KRT40: variants seen among roughly 807,000 people sequenced by gnomAD.
KRT40 encodes the protein keratin 40.
In KRT40, 47 loss-of-function variants were observed where a neutral mutation model predicts 43.5. The observed-to-expected ratio is 1.08, with a 90% CI of 0.86 to 1.38. The LOEUF (loss-of-function observed/expected upper bound fraction) is 1.38. Ranked by LOEUF, KRT40 falls within the 40% of genes most tolerant of loss-of-function variation. The pLI, the probability that KRT40 is intolerant of heterozygous loss-of-function variation, is 0.00. For synonymous variants in KRT40, 212 were observed against 214.0 expected, an observed-to-expected ratio of 0.99 and a Z score of 0.08; for missense variants, 573 against 523.6, an observed-to-expected ratio of 1.09 and a Z score of -0.92.
At chr17:40,978,620 A>G (rs1393616601) in intron 6 of KRT40, among the ~76,000 whole-genome samples, 184 bp downstream of exon 6, 1 of 148,216 alleles carries the variant, frequency 6.7e-6, no homozygotes, top group Non-Finnish European at 1.5e-5. Flanking sequence ...ATCTGCCTTT[A>G]GAATATTTTA....
rs1347880978 is a variant in KRT40, at chr17:40,983,940, C to G, written c.334G>C (p.Glu112Gln). 2 of 1,614,114 alleles carry G rather than the reference C, an allele frequency of 1.2e-6. No individual in the cohort carries two copies. Among genetic ancestry groups the G allele is most frequent in the Non-Finnish European group, 1.7e-6 (2 of 1,180,010 alleles). The change falls in exon 1 of 7, where the codon GAG (glutamate) becomes CAG (glutamine). Residue 112 changes from glutamate (E) to glutamine (Q), a missense_variant. Physicochemically the swap from Glu to Gln is conservative, Grantham distance 29 (BLOSUM62 2). Coordinates refer to ENST00000377755, the MANE Select transcript of KRT40 (RefSeq NM_001389244.1). ...CTGGATTCCAGCTCTGCGTTGGTCT[C>G]CTCCAGGCTGCGCACCTTCTCCAGA... ...SYLEKVRSLE[E>Q]TNAELESRIQ...
At chr17:40,981,348 G>GAA (rs1307527836) in intron 3 of KRT40, 197 bp from the exon 4 acceptor site, 1 of 1,016,350 alleles carries the variant, frequency 9.8e-7, no homozygotes, top group Non-Finnish European at 1.5e-6. Context: ...ATAATAATTG[G>GAA]ACATTTTTCC....
At position 40,983,963 on chromosome 17, in the gene KRT40, A is replaced by T; in HGVS notation, c.311T>A (p.Leu104Gln). Residue 104 changes from leucine (L) to glutamine (Q), a missense_variant, in exon 1 of 7, where the codon CTG becomes CAG. Leu to Gln is a moderately radical substitution (Grantham distance 113). Transcript: ENST00000377755. ...QFLNDRLASY[L>Q]EKVRSLEETN... is the part of the protein sequence containing the mutation. ...CTCCTCCAGGCTGCGCACCTTCTCC[A>T]GATAGCTGGCGAGTCTGTCATTCAG... 6.2e-7 allele frequency: 1 copy of T among 1,614,068 alleles called. No homozygotes were observed. The highest frequency in any genetic ancestry group is 8.5e-7 in the Non-Finnish European group (1 of 1,180,014).
At position 40,984,189 on chromosome 17, in the gene KRT40, C is replaced by T. The variant is rs746643512; in HGVS notation, c.85G>A (p.Val29Met). The part of the protein sequence containing the change: ...SGCAPASSCS[V>M]ETACLPGTCA... ...GTACCGGGGAGACAAGCTGTTTCCACGGAGCAGCTTGAGGCAGGTGCACAA... is the reference window on the plus strand; with the variant it reads ...GTACCGGGGAGACAAGCTGTTTCCATGGAGCAGCTTGAGGCAGGTGCACAA... The change falls in exon 1 of 7, where the codon GTG (valine) becomes ATG (methionine). Residue 29 changes from valine (V) to methionine (M), a missense_variant. By Grantham distance (21) the Val-to-Met change is conservative. Transcript: ENST00000377755. The T allele has an allele frequency of 6.8e-6, 11 of 1,613,898 alleles. No individual in the cohort carries two copies. Among genetic ancestry groups the T allele is most frequent in the East Asian group, 2.2e-5 (1 of 44,860 alleles).
chr17:40,982,364 C>T lies in KRT40; in HGVS notation c.630G>A (p.Glu210=), dbSNP rs1340573704. The T allele has an allele frequency of 3.7e-6, 6 of 1,609,864 alleles. No homozygotes were observed. The highest frequency in any genetic ancestry group is 1.3e-5 in the African/African-American group (1 of 74,676). ...CTTCCTTCAGAGACTCCACATGGGC[C>T]TCCAGATCAGATTTGCACAGGGTCA... is the stretch of plus-strand genomic sequence containing the variant. The part of the protein sequence containing the change: ...EELTLCKSDL[E]AHVESLKEDL... The change falls in exon 3 of 7, where the codon GAG becomes GAA. Residue 210 remains glutamate, a synonymous_variant. Transcript: ENST00000377755.
intron 3 of KRT40, among the ~76,000 whole-genome samples, 167 bp downstream of exon 3, chr17:40,982,140 G>A (rs1912196525): frequency 6.6e-6 from 1 of 152,094 alleles, no homozygotes; most frequent in Non-Finnish European, 1.5e-5. Context: ...GCCTCCCAAA[G>A]TGCTTGGATT....
At position 40,979,025 on chromosome 17, in the gene KRT40, C is replaced by A. The variant is rs1300186061; in HGVS notation, c.976-1G>T. On this transcript the variant is annotated splice_acceptor_variant, in intron 5 of 6. Transcript: ENST00000377755. LOFTEE classifies it high-confidence loss of function. ...CCACGGTGCATTCCAGAGATTCTGT[C>A]TGCGGGAGGAAACATTGTCCAAAGG... The A allele has an allele frequency of 6.2e-7, 1 of 1,611,682 alleles. No homozygotes were observed. The highest frequency in any genetic ancestry group is 1.7e-5 in the Admixed American group (1 of 59,956).
At position 40,981,061 on chromosome 17, in the gene KRT40, C is replaced by T. The variant is rs774008650; in HGVS notation, c.778G>A (p.Glu260Lys). ...ACCGTTTCACACTGACAGCGCATCTCATCCAGGACCCTGTTGAGGTCAAGG... is the reference window on the plus strand; with the variant it reads ...ACCGTTTCACACTGACAGCGCATCTTATCCAGGACCCTGTTGAGGTCAAGG... The part of the protein sequence containing the change: ...PTLDLNRVLD[E>K]MRCQCETVLA... Residue 260 changes from glutamate (E) to lysine (K), a missense_variant, in exon 4 of 7, where the codon GAG becomes AAG. Coordinates refer to ENST00000377755, the MANE Select transcript of KRT40 (RefSeq NM_001389244.1). The T allele has an allele frequency of 6.8e-6, 11 of 1,614,136 alleles. No homozygotes were observed. The South Asian group carries it at 1.2e-4, about 18-fold the overall frequency.
At chr17:40,982,995 T>A in intron 2 of KRT40, 51 bp downstream of exon 2, 1 of 781,938 alleles carries the variant, frequency 1.3e-6, no homozygotes, top group Non-Finnish European at 2.2e-6. Flanking sequence ...GTGACAAGAG[T>A]GAAACTCCAT....
intron 3 of KRT40, chr17:40,981,459 T>C: frequency 3.7e-6 from 2 of 540,844 alleles, no homozygotes; most frequent in Non-Finnish European, 6.7e-6. Context: ...TTAGCTATGA[T>C]TGTCATCAAC....
At chr17:40,983,719 G>A in intron 1 of KRT40, 108 bp downstream of exon 1, 1 of 1,120,494 alleles carries the variant, frequency 8.9e-7, no homozygotes, top group Non-Finnish European at 1.3e-6. Flanking sequence ...CTAACTCTTA[G>A]AATTTTCCTT....
chr17:40,981,283 T>C, intron 3 of KRT40, 132 bp from the exon 4 acceptor site: 2 of 1,537,768 alleles, frequency 1.3e-6, no homozygotes, highest in Non-Finnish European at 1.8e-6. Context: ...TTGCCTGGGC[T>C]GAATCTCTTT....
At chr17:40,983,195 A>G (rs558547871) in intron 1 of KRT40, 67 bp from the exon 2 acceptor site, 97 of 684,200 alleles carry the variant, frequency 1.4e-4, no homozygotes, top group Non-Finnish European at 2.2e-4. Context: ...TCTATCCAAC[A>G]GCTATGCCAT....
At chr17:40,981,530 T>C (rs1912151258) in intron 3 of KRT40, among the ~76,000 whole-genome samples, 1 of 152,238 alleles carries the variant, frequency 6.6e-6, no homozygotes. Flanking sequence ...TCTAGCTTTA[T>C]CAATATATCA....
Position 40,984,182 on chromosome 17 carries a change from G to A in KRT40, c.92C>T (p.Thr31Ile), listed in dbSNP as rs1567859426. 2.5e-6 allele frequency: 4 copies of A among 1,613,986 alleles called. No homozygotes were observed. The highest frequency in any genetic ancestry group is 3.4e-6 in the Non-Finnish European group (4 of 1,180,016). ...AGCACAGGTACCGGGGAGACAAGCTGTTTCCACGGAGCAGCTTGAGGCAGG... is the reference window on the plus strand; with the variant it reads ...AGCACAGGTACCGGGGAGACAAGCTATTTCCACGGAGCAGCTTGAGGCAGG... Reference protein sequence around the residue: ...CAPASSCSVETACLPGTCATS... With the variant: ...CAPASSCSVEIACLPGTCATS... Residue 31 changes from threonine (T) to isoleucine (I), a missense_variant, in exon 1 of 7, where the codon ACA becomes ATA. Physicochemically the swap from Thr to Ile is moderately conservative, Grantham distance 89. Coordinates refer to ENST00000377755, the MANE Select transcript of KRT40 (RefSeq NM_001389244.1).
At chr17:40,982,752 C>T (rs1912248241) in intron 2 of KRT40, among the ~76,000 whole-genome samples, 2 of 151,966 alleles carry the variant, frequency 1.3e-5, no homozygotes, top group Non-Finnish European at 1.5e-5. Context: ...GCCTGTAATC[C>T]CAGCACTTTG....
chr17:40,983,631 A>G (rs986247399), intron 1 of KRT40, among the ~76,000 whole-genome samples, 196 bp downstream of exon 1: 1 of 152,192 alleles, frequency 6.6e-6, no homozygotes, highest in African/African-American at 2.4e-5. Context: ...TATTATAGTC[A>G]CTCAGTAATC....
chr17:40,983,407 T>C (rs1038556509), intron 1 of KRT40, among the ~76,000 whole-genome samples: 1 of 152,192 alleles, frequency 6.6e-6, no homozygotes. Context: ...GTTTTCTCCA[T>C]CAGTAGTTTG....
intron 5 of KRT40, 63 bp downstream of exon 5, chr17:40,980,722 G>A (rs1216971399): frequency 1.3e-6 from 2 of 1,516,684 alleles, no homozygotes; most frequent in African/African-American, 1.4e-5. Context: ...TATGGAAGAG[G>A]GCTTAACATC....
Sources: allele counts gnomAD v4.1 joint callset (sites outside exome capture counted in the v4.1 genomes callset), GRCh38; gene constraint gnomAD v4.1.1; transcripts MANE v1.5; gene names NCBI Gene and HGNC (gene_info 2026-07-23, HGNC 2026-07-21).